Variants in PKHD1L1 observed in about 807,000 individuals in gnomAD.
PKHD1L1 encodes the protein fibrocystin-L.
Under a neutral mutation model 462.9 loss-of-function variants are expected in PKHD1L1, and 434 were observed. The ratio of observed to expected loss-of-function variants is 0.94; its 90% CI spans 0.87 to 1.02. The LOEUF is 1.02. PKHD1L1 is among the 50% of genes least tolerant of loss of function. The pLI is 0.00. For synonymous variants in PKHD1L1, 1,781 were observed against 1,750.0 expected, an observed-to-expected ratio of 1.02 and a Z score of -0.44; for missense variants, 5,202 against 5,096.1, an observed-to-expected ratio of 1.02 and a Z score of -0.63.
intron 29 of PKHD1L1, among the ~76,000 whole-genome samples, chr8:109,435,674 G>A (rs533036873): frequency 3.9e-5 from 6 of 152,166 alleles, no homozygotes; most frequent in Non-Finnish European, 7.4e-5. Flanking sequence ...CAGCTGCTTC[G>A]TTTGTAACCA....
intron 69 of PKHD1L1, 69 bp from the exon 70 acceptor site, chr8:109,508,028 G>A: frequency 6.7e-7 from 1 of 1,493,814 alleles, no homozygotes; most frequent in Non-Finnish European, 9.1e-7. Flanking sequence ...ACAAGAAATA[G>A]ATGTTATAAG....
intron 2 of PKHD1L1, among the ~76,000 whole-genome samples, chr8:109,366,158 T>A (rs1249887523): frequency 2.0e-5 from 3 of 152,208 alleles, no homozygotes; most frequent in Non-Finnish European, 2.9e-5. Flanking sequence ...AGCTAAAATG[T>A]AGTCTTTTCT....
At chr8:109,493,156 A>T (rs1818915618) in intron 62 of PKHD1L1, among the ~76,000 whole-genome samples, 1 of 149,908 alleles carries the variant, frequency 6.7e-6, no homozygotes, top group South Asian at 2.1e-4. Context: ...ACATAGCGAG[A>T]CCCTGTCTCT....
In PKHD1L1 at chr8:109,535,569, A is replaced by G. The variant is rs569411189; in HGVS notation, c.*5479A>G. On this transcript the variant is annotated 3_prime_UTR_variant, in exon 78 of 78. Transcript: ENST00000378402. ...TGTCTTAAAGGGCATGGGTGGTTAG[A>G]GGGAGATCCCCAAACAAACAATTCA... Among the ~76,000 whole-genome samples the G allele has an allele frequency of 1.7e-3, 259 of 152,334 alleles. No homozygotes were observed. Among genetic ancestry groups the G allele is most frequent in the African/African-American group, 6.2e-3 (257 of 41,588 alleles).
At position 109,396,016 on chromosome 8, in the gene PKHD1L1, T is replaced by C; in HGVS notation, c.812-11T>C. 1.9e-6 allele frequency: 3 copies of C among 1,555,998 alleles called. No individual in the cohort carries two copies. The highest frequency in any genetic ancestry group is 1.8e-5 in the Admixed American group (1 of 55,230). ...ATTTATGATATTTTATTTAATGTGG[T>C]TTTCCCCCAGAGGTCACCATGATTT... On this transcript the variant is annotated splice_polypyrimidine_tract_variant and intron_variant, in intron 10 of 77. Transcript: ENST00000378402.
chr8:109,388,371 T>A (rs1812539365), intron 6 of PKHD1L1, 126 bp from the exon 7 acceptor site: 1 of 694,960 alleles, frequency 1.4e-6, no homozygotes, highest in South Asian at 1.6e-5. Context: ...AATGCATGAG[T>A]GAGGGATAAT....
chr8:109,482,390 T>C (rs1818315476), intron 56 of PKHD1L1, among the ~76,000 whole-genome samples: 1 of 151,800 alleles, frequency 6.6e-6, no homozygotes, highest in Non-Finnish European at 1.5e-5. Context: ...GAAGAAAACA[T>C]ATCTGTAAAG....
intron 18 of PKHD1L1, among the ~76,000 whole-genome samples, chr8:109,408,809 G>A (rs1047848172): frequency 7.9e-5 from 12 of 152,176 alleles, no homozygotes; most frequent in Non-Finnish European, 1.6e-4. Flanking sequence ...CCATTTAAAT[G>A]TCAACCTTTT....
Position 109,475,118 on chromosome 8 carries a change from G to A in PKHD1L1, c.8606G>A (p.Gly2869Asp). Reference sequence around the variant, plus strand: ...TTTCTTGTTCTATGTTCTCCTATAGGCACAAGCATTATTCCATTTCAGAAG... The same window carrying A: ...TTTCTTGTTCTATGTTCTCCTATAGACACAAGCATTATTCCATTTCAGAAG... ...EKDVVLSDSF[G>D]TSIIPFQKKR... Residue 2869 changes from glycine to aspartate, a missense_variant and splice_region_variant, in exon 51 of 78, where the codon GGC (glycine) becomes GAC (aspartate). Around this residue, in one of 3 missense-constraint regions of PKHD1L1, gnomAD observed 4,497 missense variants for 4,336.8 expected, o/e 1.04. Transcript: ENST00000378402. The A allele has an allele frequency of 3.1e-6, 5 of 1,605,504 alleles. No homozygotes were observed. The highest frequency in any genetic ancestry group is 2.3e-5 in the East Asian group (1 of 44,442).
At chr8:109,457,166 G>C (rs1816872390) in intron 46 of PKHD1L1, among the ~76,000 whole-genome samples, 1 of 152,062 alleles carries the variant, frequency 6.6e-6, no homozygotes, top group Non-Finnish European at 1.5e-5. Flanking sequence ...TGATTTATAA[G>C]AAACAGCTAA....
chr8:109,483,856 T>C (rs1818394022), intron 57 of PKHD1L1, among the ~76,000 whole-genome samples: 1 of 151,848 alleles, frequency 6.6e-6, no homozygotes, highest in Admixed American at 6.6e-5. Context: ...CTGTGTTAAA[T>C]GAGATATTTT....
chr8:109,490,933 T>C, intron 60 of PKHD1L1, 39 bp from the exon 61 acceptor site: 1 of 1,487,442 alleles, frequency 6.7e-7, no homozygotes, highest in Non-Finnish European at 9.0e-7. Flanking sequence ...TATTGTAATT[T>C]TATTTTAAAA....
chr8:109,452,967 GTTGCACTATCTTT>G, intron 43 of PKHD1L1, 93 bp downstream of exon 43: 1 of 1,097,238 alleles, frequency 9.1e-7, no homozygotes, highest in Non-Finnish European at 1.2e-6. Context: ...AACAAACATA[GTTGCACTATCTTT>G]TTAATATACA....
intron 2 of PKHD1L1, among the ~76,000 whole-genome samples, chr8:109,371,740 G>A (rs1405338604): frequency 6.6e-6 from 1 of 150,394 alleles, no homozygotes; most frequent in South Asian, 2.1e-4. Flanking sequence ...AGTTTTCCCA[G>A]CACCATTTAT....
At chr8:109,454,908 G>C in intron 45 of PKHD1L1, 56 bp downstream of exon 45, 1 of 1,539,678 alleles carries the variant, frequency 6.5e-7, no homozygotes, top group African/African-American at 1.4e-5. Flanking sequence ...CAGGACACCA[G>C]GGATAATTAT....
intron 2 of PKHD1L1, among the ~76,000 whole-genome samples, chr8:109,380,627 A>T (rs1812062817): frequency 6.6e-6 from 1 of 152,196 alleles, no homozygotes; most frequent in African/African-American, 2.4e-5. Context: ...TTTGATGAAT[A>T]AATGCTTCTT....
chr8:109,394,469 G>A lies in PKHD1L1; in HGVS notation c.795G>A (p.Met265Ile), dbSNP rs577624337. 2 of 1,525,148 alleles carry A rather than the reference G, an allele frequency of 1.3e-6. No homozygotes were observed. The highest frequency in any genetic ancestry group is 2.4e-5 in the East Asian group (1 of 41,582). The allele number at this position is 1,525,148 out of a possible 1,614,324, so 94.5% of individuals were successfully genotyped here. A position where few individuals can be genotyped will look rare whatever the true frequency, so the allele number is the denominator to read the frequency against. The change falls in exon 10 of 78, where the codon ATG becomes ATA. Residue 265 changes from methionine (M) to isoleucine (I), a missense_variant. By Grantham distance (10) the Met-to-Ile change is conservative. Transcript: ENST00000378402. ...YFVSSLNKIA[M>I]FQTYAEVTMI... is the part of the protein sequence containing the mutation. ...TTTCTTCTCTCAATAAAATTGCAAT[G>A]TTTCAAACATATGCAGGTATGTGAC... is the stretch of plus-strand genomic sequence containing the variant.
intron 38 of PKHD1L1, among the ~76,000 whole-genome samples, chr8:109,446,506 A>G (rs1816150092): frequency 6.6e-6 from 1 of 152,218 alleles, no homozygotes. Context: ...TTAACCTTTT[A>G]GAAAAGTCTT....
rs1816555606 is a variant in PKHD1L1 at position 109,452,109 on chromosome 8, C to T, written c.6351-15C>T. The T allele has an allele frequency of 6.2e-7, 1 of 1,600,284 alleles. No homozygotes were observed. The highest frequency in any genetic ancestry group is 1.7e-5 in the Admixed American group (1 of 58,156). On this transcript the variant is annotated splice_polypyrimidine_tract_variant and intron_variant, in intron 41 of 77. Transcript: ENST00000378402. ...GAGAAAAACATACATGTTATGTTTT[C>T]CCTCTTTTTTACAGTGAAAATATGG...
Sources: allele counts gnomAD v4.1 joint callset (sites outside exome capture counted in the v4.1 genomes callset), GRCh38; gene constraint gnomAD v4.1.1; regional missense constraint gnomAD v4.1.1; transcripts MANE v1.5; gene names NCBI Gene and HGNC (gene_info 2026-07-23, HGNC 2026-07-21).